Variants in STAG2 observed in about 807,000 individuals in gnomAD.
STAG2 encodes cohesin subunit SA-2.
A neutral mutation model predicts 108.1 loss-of-function variants in STAG2; 14 were observed. The observed-to-expected ratio is 0.13, with a 90% confidence interval of 0.09 to 0.20. STAG2 has a LOEUF of 0.20. Ranked by LOEUF, STAG2 falls within the 10% of genes least tolerant of loss-of-function variation. The probability of loss-of-function intolerance (pLI) is 1.00; values close to 1 mark genes in which losing one functional copy is unlikely to be tolerated. For missense variants in STAG2, 440 were observed against 940.9 expected (o/e 0.47, Z 6.96); for synonymous variants, 307 against 302.7 (o/e 1.01, Z -0.15).
chrX:124,062,813 A>C, intron 17 of STAG2, 89 bp from the exon 18 acceptor site: 2 of 658,643 alleles, frequency 3.0e-6, no homozygotes, highest in Non-Finnish European at 2.3e-6. Flanking sequence ...ATATAGTTTT[A>C]GTAATCATTT....
chrX:124,005,907 G>A (rs1265563089), intron 1 of STAG2, among the ~76,000 whole-genome samples: 1 of 111,581 alleles, frequency 9.0e-6, no homozygotes, highest in Non-Finnish European at 1.9e-5. Flanking sequence ...CTGGTGGTTT[G>A]CTGGCAATCT....
At chrX:124,006,563 C>T (rs2056301388) in intron 1 of STAG2, among the ~76,000 whole-genome samples, 1 of 108,536 alleles carries the variant, frequency 9.2e-6, no homozygotes. Context: ...CTCAGCCTCC[C>T]GAGTAGCTGG....
At chrX:124,090,167 A>C (rs2059220319) in intron 30 of STAG2, among the ~76,000 whole-genome samples, 1 of 102,907 alleles carries the variant, frequency 9.7e-6, no homozygotes, top group African/African-American at 3.6e-5. Flanking sequence ...TCTCAAAAAA[A>C]AAAAAAAAAA....
chrX:123,990,984 C>T (rs1229975502), intron 1 of STAG2, among the ~76,000 whole-genome samples: 2 of 112,013 alleles, frequency 1.8e-5, no homozygotes, highest in Non-Finnish European at 1.9e-5. Context: ...TTTCCTTTCC[C>T]AGAAGAGCTA....
At chrX:124,093,472 C>CT (rs56165276) in intron 32 of STAG2, among the ~76,000 whole-genome samples, 1,118 of 82,261 alleles carry the variant, frequency 0.014, 6 homozygotes, top group African/African-American at 0.024. Flanking sequence ...TCTTATTCAT[C>CT]TTTTTTTTTT....
At chrX:124,066,847 C>T (rs1323937847) in intron 23 of STAG2, among the ~76,000 whole-genome samples, 2 of 111,952 alleles carry the variant, frequency 1.8e-5, no homozygotes, top group African/African-American at 6.5e-5. Flanking sequence ...CATGATCAAT[C>T]ATTTTCTGAT....
At chrX:124,031,502 G>T (rs1189564639) in intron 5 of STAG2, among the ~76,000 whole-genome samples, 1 of 107,131 alleles carries the variant, frequency 9.3e-6, no homozygotes, top group Non-Finnish European at 1.9e-5. Context: ...TGGGATTACA[G>T]GTACAAACCA....
intron 1 of STAG2, among the ~76,000 whole-genome samples, chrX:123,980,638 T>C (rs2054831981): frequency 9.0e-6 from 1 of 111,462 alleles, no homozygotes; most frequent in African/African-American, 3.3e-5. Flanking sequence ...AGGTTACAAA[T>C]AATAGGTTTA....
intron 32 of STAG2, among the ~76,000 whole-genome samples, chrX:124,093,464 T>A (rs1053306684): frequency 4.8e-5 from 5 of 104,261 alleles, no homozygotes; most frequent in African/African-American, 1.7e-4. Flanking sequence ...TGTCTTAGTC[T>A]TATTCATCTT....
chrX:123,974,765 G>A lies in STAG2; in HGVS notation c.-163+12909G>A, dbSNP rs183170317. Among the ~76,000 whole-genome samples, 480 of 107,657 alleles carry A rather than the reference G, an allele frequency of 4.5e-3. 2 individuals carry two copies. Among genetic ancestry groups the A allele is most frequent in the Middle Eastern group, 0.019 (4 of 206 alleles). 93.5% of individuals were successfully genotyped at this position (107,657 alleles called of 115,157 possible). A position where few individuals can be genotyped will look rare whatever the true frequency, so the allele number is the denominator to read the frequency against. On this transcript the variant is annotated intron_variant, in intron 1 of 34. Transcript: ENST00000371145. Reference sequence around the variant, plus strand: ...GGCTAATTTTTGTATTTTTAGTACAGATGGGGTTTCACCATATTTGTGAGG... The same window carrying A: ...GGCTAATTTTTGTATTTTTAGTACAAATGGGGTTTCACCATATTTGTGAGG...
In STAG2 at chrX:123,977,832, GTTTTTTTTTTTTTTT is replaced by G. The variant is rs35569156; in HGVS notation, c.-163+15989_-163+16003del. Among the ~76,000 whole-genome samples the G allele has an allele frequency of 7.8e-5, 3 of 38,572 alleles. No homozygotes were observed. The East Asian group carries it at 3.1e-3, about 40-fold the overall frequency. 33.5% of individuals were successfully genotyped at this position (38,572 alleles called of 115,157 possible). A position where few individuals can be genotyped will look rare whatever the true frequency, so the allele number is the denominator to read the frequency against. On this transcript the variant is annotated intron_variant, in intron 1 of 34. Coordinates refer to ENST00000371145, the MANE Select transcript of STAG2 (RefSeq NM_001042750.2). ...AACCCAGGCAATCTGGTTCCCAAGT[GTTTTTTTTTTTTTTT>G]TTTTTTTTTTTTGAGATAGGGTCTC...
chrX:124,009,028 G>A (rs1373819319), intron 1 of STAG2, among the ~76,000 whole-genome samples: 1 of 111,536 alleles, frequency 9.0e-6, no homozygotes, highest in East Asian at 2.8e-4. Flanking sequence ...CAAGTTCTCT[G>A]TAGTAGAGTG....
upstream of STAG2, chrX:123,961,669 C>T (rs1350365660): frequency 9.7e-6 from 1 of 103,489 alleles, no homozygotes; most frequent in African/African-American, 3.5e-5. Flanking sequence ...TCCCTTCTCC[C>T]TTCCCCTCCT....
Position 124,098,055 on chromosome X carries a change from AAC to A in STAG2, c.3784-2517_3784-2516del, listed in dbSNP as rs776481447. On this transcript the variant is annotated intron_variant, in intron 34 of 34. Coordinates refer to ENST00000371145, the MANE Select transcript of STAG2 (RefSeq NM_001042750.2). ...GTTCTTCAGATTACTAAAATAATGA[AAC>A]AGCAATATTAACTATGTGTATCTAT... 1.3e-3 allele frequency among the ~76,000 whole-genome samples: 140 copies of A among 109,367 alleles called. 2 individuals are homozygous for A. The highest frequency in any genetic ancestry group is 4.4e-3 in the African/African-American group (132 of 29,935). 95.0% of individuals were successfully genotyped at this position (109,367 alleles called of 115,157 possible). A position where few individuals can be genotyped will look rare whatever the true frequency, so the allele number is the denominator to read the frequency against.
chrX:123,997,920 C>T (rs1363719688), intron 1 of STAG2, among the ~76,000 whole-genome samples: 1 of 112,080 alleles, frequency 8.9e-6, no homozygotes, highest in Non-Finnish European at 1.9e-5. Flanking sequence ...GGATCACAGG[C>T]GTGAGCCACT....
chrX:124,064,757 A>G (rs1243533823), intron 20 of STAG2, among the ~76,000 whole-genome samples: 1 of 111,260 alleles, frequency 9.0e-6, no homozygotes, highest in Admixed American at 9.6e-5. Flanking sequence ...TTTTGATATT[A>G]TAAAACTTTA....
chrX:124,058,068 G>A, intron 15 of STAG2, 91 bp downstream of exon 15: 2 of 422,939 alleles, frequency 4.7e-6, no homozygotes, highest in Non-Finnish European at 7.4e-6. Flanking sequence ...ATTCCTTGTA[G>A]CACAGTAAAT....
chrX:124,059,178 A>G (rs987442197), intron 15 of STAG2, among the ~76,000 whole-genome samples: 1 of 111,521 alleles, frequency 9.0e-6, no homozygotes, highest in Non-Finnish European at 1.9e-5. Context: ...TTATCCAGGC[A>G]TGGTGGTGCA....
chrX:124,090,160 CAAAAA>C (rs758142487), intron 30 of STAG2, among the ~76,000 whole-genome samples: 4 of 28,403 alleles, frequency 1.4e-4, no homozygotes, highest in East Asian at 1.5e-3. Context: ...GACTCTGTCT[CAAAAA>C]AAAAAAAAAA....
Sources: gnomAD v4.1 joint callset for allele counts (sites outside exome capture counted in the v4.1 genomes callset) on GRCh38, gnomAD v4.1.1 for gene constraint, MANE v1.5 for transcripts, NCBI Gene and HGNC (gene_info 2026-07-23, HGNC 2026-07-21) for gene names.